The following SULF1 variants were observed in gnomAD, a reference collection of about 807,000 sequenced individuals.
SULF1 encodes the protein sulfatase 1, also known as extracellular sulfatase Sulf-1.
In SULF1, 46 loss-of-function variants were observed where a neutral mutation model predicts 110.5. That is an observed-to-expected ratio of 0.42 (90% CI 0.33 to 0.53). SULF1 has a LOEUF of 0.53. Ranked by LOEUF, SULF1 falls within the 20% of genes least tolerant of loss-of-function variation. The probability of loss-of-function intolerance (pLI) is 0.12; values close to 1 mark genes in which losing one functional copy is unlikely to be tolerated. For missense variants in SULF1, 941 were observed against 1,094.2 expected, an observed-to-expected ratio of 0.86 and a Z score of 1.98; for synonymous variants, 371 against 387.1, an observed-to-expected ratio of 0.96 and a Z score of 0.49.
intron 5 of SULF1, among the ~76,000 whole-genome samples, chr8:69,569,440 C>A (rs1351626582): frequency 6.6e-6 from 1 of 152,188 alleles, no homozygotes; most frequent in South Asian, 2.1e-4. Flanking sequence ...ATGAAGCAGT[C>A]ATCACTTGGA....
intron 22 of SULF1, among the ~76,000 whole-genome samples, chr8:69,643,787 A>G (rs1811667788): frequency 6.6e-6 from 1 of 152,228 alleles, no homozygotes. Context: ...GGACAAGCTC[A>G]AAGGGAGAGC....
chr8:69,626,997 C>T (rs1213955647), intron 15 of SULF1, among the ~76,000 whole-genome samples: 1 of 152,240 alleles, frequency 6.6e-6, no homozygotes, highest in African/African-American at 2.4e-5. Context: ...GGAGAGCGAG[C>T]GAGGGCTGTG....
At chr8:69,518,242 T>A (rs1304096673) in intron 3 of SULF1, among the ~76,000 whole-genome samples, 1 of 152,176 alleles carries the variant, frequency 6.6e-6, no homozygotes, top group Non-Finnish European at 1.5e-5. Context: ...GCTCTAGAAA[T>A]TGTATTTGGT....
chr8:69,502,889 G>C (rs760339651), intron 3 of SULF1, among the ~76,000 whole-genome samples: 1 of 151,808 alleles, frequency 6.6e-6, no homozygotes, highest in African/African-American at 2.4e-5. Flanking sequence ...GTTTCACCAT[G>C]TTGGCCAGGC....
At chr8:69,649,107 T>C (rs1812140596) in intron 22 of SULF1, among the ~76,000 whole-genome samples, 1 of 152,240 alleles carries the variant, frequency 6.6e-6, no homozygotes, top group Non-Finnish European at 1.5e-5. Context: ...TTTTTTGAGC[T>C]GAAGACAGGC....
At chr8:69,490,554 C>T (rs189139578), upstream of SULF1, among the ~76,000 whole-genome samples, 1 of 152,174 alleles carries the variant, frequency 6.6e-6, no homozygotes, top group Non-Finnish European at 1.5e-5. Context: ...AGCCAGATTG[C>T]CTGGCCTCCC....
chr8:69,618,430 A>G (rs1451976336), intron 13 of SULF1, among the ~76,000 whole-genome samples: 1 of 152,250 alleles, frequency 6.6e-6, no homozygotes, highest in African/African-American at 2.4e-5. Context: ...TGTATTAGAT[A>G]TTACAAGTAA....
chr8:69,586,259 T>C (rs1414401178), intron 6 of SULF1, 98 bp from the exon 7 acceptor site: 7 of 1,322,676 alleles, frequency 5.3e-6, no homozygotes, highest in Non-Finnish European at 7.0e-6. Context: ...GCAACTTTTG[T>C]TTTACCGTCT....
chr8:69,583,498 C>A (rs1417565555), intron 6 of SULF1, among the ~76,000 whole-genome samples: 1 of 151,144 alleles, frequency 6.6e-6, no homozygotes. Context: ...CGCTTGAACC[C>A]AAGAGGCAGA....
chr8:69,570,647 A>C (rs1164029796), intron 5 of SULF1, among the ~76,000 whole-genome samples: 1 of 152,210 alleles, frequency 6.6e-6, no homozygotes, highest in Non-Finnish European at 1.5e-5. Flanking sequence ...GCCACAACCT[A>C]TCACATACTC....
At chr8:69,602,116 T>G (rs1807867084) in intron 10 of SULF1, among the ~76,000 whole-genome samples, 1 of 152,202 alleles carries the variant, frequency 6.6e-6, no homozygotes, top group African/African-American at 2.4e-5. Context: ...GATGTGATCT[T>G]CTGGGATATC....
chr8:69,538,462 G>A (rs1416570704), intron 3 of SULF1, among the ~76,000 whole-genome samples: 1 of 152,064 alleles, frequency 6.6e-6, no homozygotes, highest in Non-Finnish European at 1.5e-5. Context: ...CCCCTTTCTG[G>A]AGATACCAGC....
intron 3 of SULF1, among the ~76,000 whole-genome samples, chr8:69,526,738 C>G (rs1278543611): frequency 6.6e-6 from 1 of 150,592 alleles, no homozygotes; most frequent in East Asian, 2.0e-4. Context: ...CTGCAAAGAG[C>G]TTTGTTTACA....
chr8:69,508,964 C>T (rs1045515381), intron 3 of SULF1, among the ~76,000 whole-genome samples: 1 of 152,126 alleles, frequency 6.6e-6, no homozygotes, highest in African/African-American at 2.4e-5. Context: ...TTCTTCTCTC[C>T]AAAGAACACT....
chr8:69,598,737 G>T (rs190040976), intron 8 of SULF1, among the ~76,000 whole-genome samples: 12 of 152,248 alleles, frequency 7.9e-5, no homozygotes, highest in Middle Eastern at 3.4e-3. Flanking sequence ...ATTTACAGAT[G>T]AGCACATTTG....
chr8:69,568,865 C>T (rs7841611), intron 5 of SULF1, among the ~76,000 whole-genome samples: 45,555 of 151,986 alleles, frequency 0.3, 7,188 homozygotes, highest in African/African-American at 0.4. Flanking sequence ...TATTTCAAAA[C>T]TGAAAAAATA....
intron 6 of SULF1, among the ~76,000 whole-genome samples, chr8:69,580,992 A>G (rs1278972261): frequency 1.3e-5 from 2 of 152,198 alleles, no homozygotes; most frequent in Non-Finnish European, 2.9e-5. Context: ...TCTTAATTTT[A>G]TTATGATGTA....
intron 3 of SULF1, among the ~76,000 whole-genome samples, chr8:69,529,860 C>G (rs1305472281): frequency 2.0e-5 from 3 of 152,214 alleles, no homozygotes; most frequent in Non-Finnish European, 2.9e-5. Flanking sequence ...TCAGAAATCA[C>G]ATTCTGTCAT....
chr8:69,591,711 C>T (rs1177665616), intron 8 of SULF1, among the ~76,000 whole-genome samples: 1 of 152,282 alleles, frequency 6.6e-6, no homozygotes, highest in South Asian at 2.1e-4. Flanking sequence ...GACACAGTTG[C>T]TAACATTTAA....
Sources: gnomAD v4.1 joint callset for allele counts (sites outside exome capture counted in the v4.1 genomes callset) on GRCh38, gnomAD v4.1.1 for gene constraint, MANE v1.5 for transcripts, NCBI Gene and HGNC (gene_info 2026-07-23, HGNC 2026-07-21) for gene names.